Variants in STAU2 observed in about 807,000 individuals in gnomAD.
STAU2 encodes double-stranded RNA-binding protein Staufen homolog 2.
STAU2 carries 20 observed loss-of-function variants against 65.9 expected under a neutral mutation model. That is an observed-to-expected ratio of 0.30 (90% CI 0.21 to 0.44). STAU2 has a LOEUF of 0.44. STAU2 is among the 20% of genes least tolerant of loss of function. The pLI is 1.00. For missense variants in STAU2, 558 were observed against 683.9 expected, an observed-to-expected ratio of 0.82 and a Z score of 2.05; for synonymous variants, 232 against 233.9, an observed-to-expected ratio of 0.99 and a Z score of 0.07.
intron 13 of STAU2, among the ~76,000 whole-genome samples, chr8:73,493,749 T>G (rs1320428705): frequency 1.3e-5 from 2 of 151,668 alleles, no homozygotes; most frequent in Non-Finnish European, 3.0e-5. Context: ...TAGGGATTGA[T>G]GCAAGAGAAA....
At chr8:73,447,834 T>C (rs1354986254) in intron 13 of STAU2, among the ~76,000 whole-genome samples, 1 of 152,172 alleles carries the variant, frequency 6.6e-6, no homozygotes. Context: ...TTCATCTTTA[T>C]CAGGAAATGA....
intron 13 of STAU2, among the ~76,000 whole-genome samples, chr8:73,499,565 C>A (rs1821621498): frequency 6.6e-6 from 1 of 151,898 alleles, no homozygotes; most frequent in Non-Finnish European, 1.5e-5. Context: ...ATCAGTAGGA[C>A]AAGGGTGACT....
intron 13 of STAU2, among the ~76,000 whole-genome samples, chr8:73,514,776 T>C (rs2128925539): frequency 6.6e-6 from 1 of 152,338 alleles, no homozygotes; most frequent in South Asian, 2.1e-4. Context: ...TTATTTTTTC[T>C]CCAACTTTTT....
chr8:73,506,172 T>C (rs1239405144), intron 13 of STAU2, among the ~76,000 whole-genome samples: 1 of 152,200 alleles, frequency 6.6e-6, no homozygotes, highest in Non-Finnish European at 1.5e-5. Flanking sequence ...ACGTGTTCCA[T>C]TGTGAGTAGT....
intron 6 of STAU2, among the ~76,000 whole-genome samples, chr8:73,636,325 C>T (rs938099175): frequency 6.6e-6 from 1 of 151,644 alleles, no homozygotes; most frequent in Non-Finnish European, 1.5e-5. Context: ...TGCAGTGAGC[C>T]AAGATTGCAC....
chr8:73,514,203 T>G (rs543574421), intron 13 of STAU2, among the ~76,000 whole-genome samples: 6 of 152,316 alleles, frequency 3.9e-5, no homozygotes, highest in Non-Finnish European at 1.5e-5. Flanking sequence ...GCAATGTCTC[T>G]TTAGGAGAGA....
chr8:73,668,875 TCATCAGTAGA>T (rs1184071797), intron 6 of STAU2: 3 of 519,514 alleles, frequency 5.8e-6, no homozygotes, highest in Non-Finnish European at 3.4e-6. Flanking sequence ...TGGAGAAACA[TCATCAGTAGA>T]GGGTGGTAAA....
intron 11 of STAU2, 45 bp downstream of exon 11, chr8:73,595,121 G>A: frequency 6.8e-7 from 1 of 1,475,220 alleles, no homozygotes; most frequent in Non-Finnish European, 9.1e-7. Flanking sequence ...TAATCACTTT[G>A]ATATTATGAC....
chr8:73,573,920 A>C (rs557191316), intron 12 of STAU2, among the ~76,000 whole-genome samples: 1 of 152,230 alleles, frequency 6.6e-6, no homozygotes, highest in African/African-American at 2.4e-5. Context: ...TAATTAAACT[A>C]AAGAGCTTCT....
chr8:73,595,317 A>G lies in STAU2; in HGVS notation c.1030-20T>C. 6.4e-7 allele frequency: 1 copy of G among 1,564,810 alleles called. No individual in the cohort carries two copies. The highest frequency in any genetic ancestry group is 8.6e-7 in the Non-Finnish European group (1 of 1,160,968). On this transcript the variant is annotated intron_variant, in intron 10 of 14. Transcript: ENST00000524300. Reference sequence around the variant, plus strand: ...CTTCACCTGATAAGATTAAAGAAATAAATTAAAGAAATACATTTATGATAA... The same window carrying G: ...CTTCACCTGATAAGATTAAAGAAATGAATTAAAGAAATACATTTATGATAA...
rs1823008809 is a variant in STAU2 at position 73,520,995 on chromosome 8, GAAT to G, written c.1530+31014_1530+31016del. 2.6e-5 allele frequency among the ~76,000 whole-genome samples: 4 copies of G among 152,194 alleles called. No homozygotes were observed. The East Asian group carries it at 7.7e-4, about 29-fold the overall frequency. On this transcript the variant is annotated intron_variant, in intron 13 of 14. Coordinates refer to ENST00000524300, the MANE Select transcript of STAU2 (RefSeq NM_001164380.2). ...GACCATAATTACCTCAAGGGCAAGG[GAAT>G]ACAGATACTATCACTTAAGACCATC... is the stretch of plus-strand genomic sequence containing the variant.
chr8:73,623,840 T>C (rs1813445460), intron 6 of STAU2, among the ~76,000 whole-genome samples: 1 of 152,194 alleles, frequency 6.6e-6, no homozygotes, highest in Admixed American at 6.5e-5. Context: ...TCTCTATTCA[T>C]ATCTACAAAT....
intron 1 of STAU2, among the ~76,000 whole-genome samples, chr8:73,743,258 A>G (rs1464409163): frequency 2.0e-5 from 3 of 151,818 alleles, no homozygotes; most frequent in Non-Finnish European, 4.4e-5. Flanking sequence ...TTCAGACACC[A>G]ATTGTATACG....
intron 13 of STAU2, among the ~76,000 whole-genome samples, chr8:73,510,171 G>A (rs931135123): frequency 7.9e-5 from 12 of 152,140 alleles, no homozygotes; most frequent in Admixed American, 3.3e-4. Flanking sequence ...GGGTTCAAGC[G>A]ATTCTCTTGC....
chr8:73,558,065 C>T (rs1206616895), intron 12 of STAU2, among the ~76,000 whole-genome samples: 1 of 152,218 alleles, frequency 6.6e-6, no homozygotes, highest in Non-Finnish European at 1.5e-5. Context: ...GGATAATAAG[C>T]AGCAATGCTA....
intron 11 of STAU2, among the ~76,000 whole-genome samples, chr8:73,586,389 C>A (rs193124445): frequency 4.5e-4 from 68 of 152,192 alleles, no homozygotes; most frequent in African/African-American, 1.6e-3. Flanking sequence ...TCTTTGACCC[C>A]ATGCAGTCAG....
At chr8:73,733,269 T>C (rs1323359789) in intron 3 of STAU2, among the ~76,000 whole-genome samples, 1 of 152,188 alleles carries the variant, frequency 6.6e-6, no homozygotes, top group Non-Finnish European at 1.5e-5. Context: ...GCTCTCCCAA[T>C]ACTACAACCG....
chr8:73,560,878 C>A (rs898978936), intron 12 of STAU2, among the ~76,000 whole-genome samples: 4 of 152,076 alleles, frequency 2.6e-5, no homozygotes, highest in African/African-American at 9.7e-5. Flanking sequence ...AATAAAAGTG[C>A]GAGTGAGTTT....
chr8:73,659,590 T>A (rs1460517517), intron 6 of STAU2, among the ~76,000 whole-genome samples: 1 of 152,120 alleles, frequency 6.6e-6, no homozygotes, highest in African/African-American at 2.4e-5. Flanking sequence ...GATTTTTTTT[T>A]AAACACAAGT....
Sources: allele counts gnomAD v4.1 joint callset (sites outside exome capture counted in the v4.1 genomes callset), GRCh38; gene constraint gnomAD v4.1.1; transcripts MANE v1.5; gene names NCBI Gene and HGNC (gene_info 2026-07-23, HGNC 2026-07-21).